NPEPPS: variants seen among roughly 807,000 people sequenced by gnomAD.
The protein encoded by NPEPPS is puromycin-sensitive aminopeptidase.
In NPEPPS, 14 loss-of-function variants were observed where a neutral mutation model predicts 115.5. That is an observed-to-expected ratio of 0.12 (90% confidence interval 0.08 to 0.19). NPEPPS has a LOEUF of 0.19. NPEPPS is among the 10% of genes least tolerant of loss of function. NPEPPS has a pLI of 1.00. For missense variants in NPEPPS, 523 were observed against 1,110.8 expected (o/e 0.47, Z 7.52); for synonymous variants, 285 against 390.6 (o/e 0.73, Z 3.19).
chr17:47,592,894 T>G (rs1912600484), intron 12 of NPEPPS, among the ~76,000 whole-genome samples: 1 of 152,086 alleles, frequency 6.6e-6, no homozygotes, highest in Admixed American at 6.6e-5. Flanking sequence ...CCTAATGCTA[T>G]CCCTCCCCCA....
intron 9 of NPEPPS, among the ~76,000 whole-genome samples, chr17:47,589,944 C>T (rs1912399962): frequency 6.6e-6 from 1 of 152,134 alleles, no homozygotes; most frequent in Non-Finnish European, 1.5e-5. Context: ...ATATTTTCCA[C>T]CTCTATTTGC....
At position 47,592,532 on chromosome 17, in the gene NPEPPS, G is replaced by C. The variant is rs762882775; in HGVS notation, c.1413G>C (p.Lys471Asn). The part of the protein sequence containing the change: ...MNMYLTKFQQ[K>N]NAATEDLWES... ...TGTATTTAACCAAGTTCCAACAAAAGAATGCTGCCACAGGTAATCTCTAAT... is the reference window on the plus strand; with the variant it reads ...TGTATTTAACCAAGTTCCAACAAAACAATGCTGCCACAGGTAATCTCTAAT... Residue 471 changes from lysine (K) to asparagine (N), a missense_variant, in exon 12 of 23, where the codon AAG becomes AAC. Around this residue, in one of 4 missense-constraint regions of NPEPPS, gnomAD observed 372 missense variants for 542.6 expected, o/e 0.69. Transcript: ENST00000322157. 61 of 1,595,216 alleles carry C rather than the reference G, an allele frequency of 3.8e-5. No homozygotes were observed. The highest frequency in any genetic ancestry group is 5.0e-5 in the Non-Finnish European group (59 of 1,170,072).
chr17:47,599,817 G>T, intron 14 of NPEPPS, 78 bp downstream of exon 14: 1 of 1,228,348 alleles, frequency 8.1e-7, no homozygotes, highest in Admixed American at 2.4e-5. Flanking sequence ...CAACTAATAG[G>T]AAATTTTTCT....
intron 1 of NPEPPS, among the ~76,000 whole-genome samples, chr17:47,537,962 C>T (rs1434667449): frequency 1.3e-5 from 2 of 150,110 alleles, no homozygotes; most frequent in African/African-American, 2.4e-5. Context: ...GGCACAATCT[C>T]GGCTCACTGC....
At chr17:47,593,207 C>G (rs1363474795) in intron 12 of NPEPPS, among the ~76,000 whole-genome samples, 1 of 152,182 alleles carries the variant, frequency 6.6e-6, no homozygotes, top group African/African-American at 2.4e-5. Context: ...TGAATCAGGA[C>G]TCGTTATCCC....
chr17:47,529,737 T>G (rs201105590), upstream of NPEPPS, among the ~76,000 whole-genome samples: 1 of 25,634 alleles, frequency 3.9e-5, no homozygotes, highest in Non-Finnish European at 1.1e-4. Context: ...TTCAGTTACA[T>G]TATATATATA....
rs1213864308 is a variant in NPEPPS, at chr17:47,574,177, C to CTAA, written c.418+4684_418+4686dup. Among the ~76,000 whole-genome samples the CTAA allele has an allele frequency of 3.9e-5, 6 of 152,054 alleles. No individual in the cohort carries two copies. The East Asian group carries it at 1.2e-3, about 29-fold the overall frequency. ...AGAAGAAAGACTGAAAATTAATTAG[C>CTAA]TAAGCATTAAACTCATAAAAACAAA... On this transcript the variant is annotated intron_variant, in intron 3 of 22. Coordinates refer to ENST00000322157, the MANE Select transcript of NPEPPS (RefSeq NM_006310.4).
chr17:47,599,766 T>C (rs1164202608), intron 14 of NPEPPS, 27 bp downstream of exon 14: 2 of 1,529,594 alleles, frequency 1.3e-6, no homozygotes, highest in Non-Finnish European at 1.8e-6. Flanking sequence ...AAGTGAGATA[T>C]GATTGATGAA....
intron 2 of NPEPPS, among the ~76,000 whole-genome samples, chr17:47,567,363 A>G (rs191861638): frequency 6.6e-6 from 1 of 152,280 alleles, no homozygotes; most frequent in Admixed American, 6.5e-5. Context: ...AACATTTGAA[A>G]TCCTATATTT....
Position 47,599,842 on chromosome 17 carries a change from G to A in NPEPPS, c.1600+103G>A, listed in dbSNP as rs181630616. 322 of 928,902 alleles carry A rather than the reference G, an allele frequency of 3.5e-4. 1 individual carries two copies. The African/African-American group carries it at 3.8e-3, about 11-fold the overall frequency. 57.5% of individuals were successfully genotyped at this position (928,902 alleles called of 1,614,324 possible). ...GAAATTTTTCTTTTTTTTTTTTGAG[G>A]AGTCTCACTCTGTCGCCCAGGCTCG... On this transcript the variant is annotated intron_variant, in intron 14 of 22. Coordinates refer to ENST00000322157, the MANE Select transcript of NPEPPS (RefSeq NM_006310.4).
intron 1 of NPEPPS, among the ~76,000 whole-genome samples, chr17:47,523,981 CTTTT>C (rs1210175516): frequency 2.9e-3 from 393 of 136,446 alleles, no homozygotes; most frequent in African/African-American, 9.8e-3. Context: ...TTTTTCCTTT[CTTTT>C]CTTTCTTAAA....
intron 2 of NPEPPS, among the ~76,000 whole-genome samples, chr17:47,548,533 G>GT (rs1169084965): frequency 6.8e-6 from 1 of 146,832 alleles, no homozygotes; most frequent in African/African-American, 2.5e-5. Context: ...GCTCAAGTTT[G>GT]TTTTTTATCT....
At chr17:47,565,528 G>A (rs1229843704) in intron 2 of NPEPPS, among the ~76,000 whole-genome samples, 5 of 138,346 alleles carry the variant, frequency 3.6e-5, no homozygotes, top group South Asian at 2.2e-4. Context: ...AAAAAAAAAA[G>A]GTGATTCGAG....
chr17:47,600,111 C>T (rs1214861584), intron 14 of NPEPPS, among the ~76,000 whole-genome samples: 3 of 152,118 alleles, frequency 2.0e-5, no homozygotes, highest in Non-Finnish European at 4.4e-5. Context: ...AGTCACTGTG[C>T]CCAGCCATAG....
chr17:47,621,180 C>CAAA (rs5820662), intron 22 of NPEPPS, among the ~76,000 whole-genome samples: 4 of 84,744 alleles, frequency 4.7e-5, no homozygotes, highest in Admixed American at 1.3e-4. Context: ...GACCCTGTCT[C>CAAA]AAAAAAAAAA....
intron 20 of NPEPPS, 125 bp downstream of exon 20, chr17:47,618,582 C>T (rs1914353938): frequency 1.5e-6 from 1 of 653,812 alleles, no homozygotes; most frequent in Admixed American, 3.0e-5. Context: ...TCCAGAGTAA[C>T]TGGCTTGAGT....
At chr17:47,598,002 C>T (rs1912979601) in intron 13 of NPEPPS, among the ~76,000 whole-genome samples, 1 of 152,210 alleles carries the variant, frequency 6.6e-6, no homozygotes, top group Non-Finnish European at 1.5e-5. Flanking sequence ...TGACCTGCCA[C>T]TGTGACCAGT....
intron 14 of NPEPPS, among the ~76,000 whole-genome samples, chr17:47,600,814 G>A (rs1306854254): frequency 6.6e-6 from 1 of 152,056 alleles, no homozygotes; most frequent in Non-Finnish European, 1.5e-5. Flanking sequence ...CCTCTGTGAC[G>A]GAACATAACA....
chr17:47,563,047 T>C (rs1381634467), intron 2 of NPEPPS, among the ~76,000 whole-genome samples: 1 of 151,282 alleles, frequency 6.6e-6, no homozygotes, highest in Non-Finnish European at 1.5e-5. Context: ...TTGTTTTTTT[T>C]TTGAGATGGA....
Sources: allele counts gnomAD v4.1 joint callset (sites outside exome capture counted in the v4.1 genomes callset), GRCh38; gene constraint gnomAD v4.1.1; regional missense constraint gnomAD v4.1.1; transcripts MANE v1.5; gene names NCBI Gene and HGNC (gene_info 2026-07-23, HGNC 2026-07-21).